The following IRF4 variants were observed in gnomAD, a reference collection of about 807,000 sequenced individuals.
IRF4 encodes lymphocyte-specific interferon regulatory factor.
IRF4 carries 13 observed loss-of-function variants against 55.5 expected under a neutral mutation model. That is an observed-to-expected ratio of 0.23 (90% CI 0.15 to 0.37). The LOEUF is 0.37. Among genes scored for constraint, IRF4 ranks in the 10% least tolerant of loss-of-function variants. The pLI is 1.00. For synonymous variants in IRF4, 249 were observed against 240.7 expected (o/e 1.03, Z -0.32); for missense variants, 397 against 593.8 (o/e 0.67, Z 3.44).
intron 7 of IRF4, among the ~76,000 whole-genome samples, chr6:402,325 T>G (rs571774811): frequency 5.3e-4 from 81 of 152,304 alleles, no homozygotes; most frequent in African/African-American, 1.9e-3. Context: ...TTTTCTACCT[T>G]GGATTTCATG....
intron 6 of IRF4, among the ~76,000 whole-genome samples, 160 bp from the exon 7 acceptor site, chr6:401,264 G>A (rs547490664): frequency 2.6e-5 from 4 of 152,196 alleles, no homozygotes; most frequent in African/African-American, 9.7e-5. Flanking sequence ...ACAAGGGCAC[G>A]CTGTGTTTCC....
At position 407,523 on chromosome 6, in the gene IRF4, C is replaced by T. The variant is rs1362434971; in HGVS notation, c.1281C>T (p.Gly427=). 8 of 1,612,724 alleles carry T rather than the reference C, an allele frequency of 5.0e-6. No homozygotes were observed. Among genetic ancestry groups the T allele is most frequent in the Non-Finnish European group, 6.8e-6 (8 of 1,179,206 alleles). ...AQQNSGHFLR[G]YDLPEHISNP... ...AAAACAGTGGACATTTCCTGAGGGG[C>T]TACGATTTACCAGAACACATCAGCA... Residue 427 remains glycine (G), a synonymous_variant, in exon 9 of 9, where the codon GGC becomes GGT. Transcript: ENST00000380956.
At position 393,210 on chromosome 6, in the gene IRF4, G is replaced by A. The variant is rs1761164334; in HGVS notation, c.58G>A (p.Gly20Ser). The change falls in exon 2 of 9, where the codon GGC (glycine) becomes AGC (serine). Residue 20 changes from glycine (G) to serine (S), a missense_variant. Gly to Ser is a moderately conservative substitution (Grantham distance 56). Around this residue, in one of 3 missense-constraint regions of IRF4, gnomAD observed 34 missense variants for 29.4 expected, o/e 1.16. Coordinates refer to ENST00000380956, the MANE Select transcript of IRF4 (RefSeq NM_002460.4). The surrounding 1 kb of genome is among the most constrained non-coding windows in gnomAD (Gnocchi z 5.4). ...GTTCGGCATGAGCGCGGTGAGCTGCGGCAACGGGAAGCTCCGCCAGTGGCT... is the reference window on the plus strand; with the variant it reads ...GTTCGGCATGAGCGCGGTGAGCTGCAGCAACGGGAAGCTCCGCCAGTGGCT... ...GEFGMSAVSC[G>S]NGKLRQWLID... 4 of 1,560,956 alleles carry A rather than the reference G, an allele frequency of 2.6e-6. No homozygotes were observed. The highest frequency in any genetic ancestry group is 2.4e-5 in the East Asian group (1 of 41,948).
Position 393,557 on chromosome 6 carries a change from G to GCGGGGGC in IRF4, c.216+194_216+200dup, listed in dbSNP as rs1324497974. On this transcript the variant is annotated intron_variant, in intron 2 of 8. Coordinates refer to ENST00000380956, the MANE Select transcript of IRF4 (RefSeq NM_002460.4). This position sits in a 1 kb window ranked among gnomAD's most constrained non-coding sequence, Gnocchi z 5.4. ...GGAGGCCTCGGCTCTCAGCGGGACCGCGGGGGCCGGGAGCCGGGTCCTGGG... is the reference window on the plus strand; with the variant it reads ...GGAGGCCTCGGCTCTCAGCGGGACCGCGGGGGCCGGGGGCCGGGAGCCGGGTCCTGGG... Among the ~76,000 whole-genome samples, 7 of 152,040 alleles carry GCGGGGGC rather than the reference G, an allele frequency of 4.6e-5. No homozygotes were observed. Among genetic ancestry groups the GCGGGGGC allele is most frequent in the African/African-American group, 1.7e-4 (7 of 41,416 alleles).
chr6:393,250 A>G lies in IRF4; in HGVS notation c.98A>G (p.Asp33Gly). Residue 33 changes from aspartate (D) to glycine (G), a missense_variant, in exon 2 of 9, where the codon GAC becomes GGC. This residue lies in a region of IRF4 where 341 missense variants were observed against 548.1 expected (regional missense o/e 0.62). Coordinates refer to ENST00000380956, the MANE Select transcript of IRF4 (RefSeq NM_002460.4). The surrounding 1 kb of genome is among the most constrained non-coding windows in gnomAD (Gnocchi z 5.4). Reference sequence around the variant, plus strand: ...CGCCAGTGGCTGATCGACCAGATCGACAGCGGCAAGTACCCCGGGCTGGTG... The same window carrying G: ...CGCCAGTGGCTGATCGACCAGATCGGCAGCGGCAAGTACCCCGGGCTGGTG... ...KLRQWLIDQI[D>G]SGKYPGLVWE... 1.3e-6 allele frequency: 2 copies of G among 1,588,284 alleles called. No individual in the cohort carries two copies. The highest frequency in any genetic ancestry group is 1.7e-6 in the Non-Finnish European group (2 of 1,167,338).
chr6:406,238 G>A (rs1220681780), intron 8 of IRF4, among the ~76,000 whole-genome samples: 1 of 152,218 alleles, frequency 6.6e-6, no homozygotes, highest in East Asian at 1.9e-4. Context: ...GCATTGATAA[G>A]CAGCATTTAA....
intron 7 of IRF4, among the ~76,000 whole-genome samples, chr6:402,652 C>T (rs1056811255): frequency 6.6e-6 from 1 of 152,234 alleles, no homozygotes; most frequent in Non-Finnish European, 1.5e-5. Flanking sequence ...TTGACATGTG[C>T]TCGTACTTCT....
At chr6:400,328 C>T (rs1581226904) in intron 6 of IRF4, among the ~76,000 whole-genome samples, 1 of 152,080 alleles carries the variant, frequency 6.6e-6, no homozygotes, top group African/African-American at 2.4e-5. Context: ...TGTGCCACTC[C>T]CCTGCGGTCT....
chr6:405,893 T>C (rs891132802), intron 8 of IRF4, among the ~76,000 whole-genome samples: 10 of 152,314 alleles, frequency 6.6e-5, no homozygotes, highest in East Asian at 3.9e-4. Flanking sequence ...AAACTTCACA[T>C]TGCTACATAC....
Position 410,325 on chromosome 6 carries a change from C to T in IRF4, c.*2727C>T, listed in dbSNP as rs1168193811. Reference sequence around the variant, plus strand: ...GCAGTAATTAATATCTCCTGGAACACTATAGAGAACCAAGTGACCGACTCA... The same window carrying T: ...GCAGTAATTAATATCTCCTGGAACATTATAGAGAACCAAGTGACCGACTCA... On this transcript the variant is annotated 3_prime_UTR_variant, in exon 9 of 9. Coordinates refer to ENST00000380956, the MANE Select transcript of IRF4 (RefSeq NM_002460.4). 4.4e-6 allele frequency: 1 copy of T among 227,290 alleles called. No homozygotes were observed. 14.1% of individuals were successfully genotyped at this position (227,290 alleles called of 1,614,324 possible).
chr6:393,074 G>A lies in IRF4; in HGVS notation c.-55-24G>A. ...GCCCGGAGTGCGGTGCCTCGTGGCTGAAGGGCAGCTCTTCTCCCCGCAGTG... is the reference window on the plus strand; with the variant it reads ...GCCCGGAGTGCGGTGCCTCGTGGCTAAAGGGCAGCTCTTCTCCCCGCAGTG... On this transcript the variant is annotated intron_variant, in intron 1 of 8. Transcript: ENST00000380956. The surrounding 1 kb of genome is among the most constrained non-coding windows in gnomAD (Gnocchi z 5.4). The A allele has an allele frequency of 7.4e-7, 1 of 1,342,392 alleles. No individual in the cohort carries two copies. The allele number at this position is 1,342,392 out of a possible 1,614,324, so 83.2% of individuals were successfully genotyped here.
rs1297820928 is a variant in IRF4 at position 411,348 on chromosome 6, C to T, written c.*3750C>T. ...ATAATGCTATGCTGTCGTTGGTATA[C>T]ATCATGAATTTTTATGTAAATTGCT... On this transcript the variant is annotated 3_prime_UTR_variant, in exon 9 of 9. Coordinates refer to ENST00000380956, the MANE Select transcript of IRF4 (RefSeq NM_002460.4). 4.6e-6 allele frequency: 1 copy of T among 215,814 alleles called. No homozygotes were observed. Among genetic ancestry groups the T allele is most frequent in the Non-Finnish European group, 9.3e-6 (1 of 107,020 alleles). 13.4% of individuals were successfully genotyped at this position (215,814 alleles called of 1,614,324 possible).
At chr6:402,339 A>G (rs893035809) in intron 7 of IRF4, among the ~76,000 whole-genome samples, 3 of 152,138 alleles carry the variant, frequency 2.0e-5, no homozygotes, top group Admixed American at 6.5e-5. Context: ...TTTCATGACA[A>G]TTCAGCGAAC....
Position 393,501 on chromosome 6 carries a change from G to T in IRF4, c.216+133G>T. On this transcript the variant is annotated intron_variant, in intron 2 of 8. Transcript: ENST00000380956. This position sits in a 1 kb window ranked among gnomAD's most constrained non-coding sequence, Gnocchi z 5.4. The stretch of plus-strand genomic sequence containing the variant: ...GACGGGCGGGCGGCGGAGGCATCAG[G>T]TGGCGTCGCCGGAGCCGCAGGAGGA... 2 of 586,444 alleles carry T rather than the reference G, an allele frequency of 3.4e-6. No individual in the cohort carries two copies. The highest frequency in any genetic ancestry group is 5.1e-6 in the Non-Finnish European group (2 of 395,238). 36.3% of individuals were successfully genotyped at this position (586,444 alleles called of 1,614,324 possible). A position where few individuals can be genotyped will look rare whatever the true frequency, so the allele number is the denominator to read the frequency against.
rs1251373532 is a variant in IRF4, at chr6:393,133, G to GCGCGGA, written c.-17_-12dup. On this transcript the variant is annotated 5_prime_UTR_variant, in exon 2 of 9. Transcript: ENST00000380956. This position sits in a 1 kb window ranked among gnomAD's most constrained non-coding sequence, Gnocchi z 5.4. ...AGCGGGCGGAGGACCCCGGGCGCGGGCGCGGACGGCACGCGGGGCATGAAC... is the reference window on the plus strand; with the variant it reads ...AGCGGGCGGAGGACCCCGGGCGCGGGCGCGGACGCGGACGGCACGCGGGGCATGAAC... 12 of 1,545,566 alleles carry GCGCGGA rather than the reference G, an allele frequency of 7.8e-6. No individual in the cohort carries two copies. Among genetic ancestry groups the GCGCGGA allele is most frequent in the South Asian group, 1.2e-5 (1 of 83,626 alleles).
intron 8 of IRF4, among the ~76,000 whole-genome samples, chr6:405,802 G>T (rs999999636): frequency 8.5e-5 from 13 of 152,164 alleles, no homozygotes; most frequent in African/African-American, 3.1e-4. Flanking sequence ...TTTTTTATGA[G>T]AAAAGGTTTC....
intron 5 of IRF4, among the ~76,000 whole-genome samples, chr6:398,169 T>G (rs1761315235): frequency 6.6e-6 from 1 of 152,234 alleles, no homozygotes; most frequent in Non-Finnish European, 1.5e-5. Context: ...AACTAGCTCC[T>G]GAAATTCAGA....
chr6:405,416 A>T (rs773009994), intron 8 of IRF4, among the ~76,000 whole-genome samples: 9 of 152,170 alleles, frequency 5.9e-5, no homozygotes, highest in Non-Finnish European at 1.0e-4. Context: ...AAGTTGTCGT[A>T]TTTCCATTTT....
At position 411,188 on chromosome 6, in the gene IRF4, C is replaced by T. The variant is rs944130794; in HGVS notation, c.*3590C>T. 2 of 231,214 alleles carry T rather than the reference C, an allele frequency of 8.7e-6. No homozygotes were observed. Among genetic ancestry groups the T allele is most frequent in the Admixed American group, 5.6e-5 (1 of 17,722 alleles). 14.3% of individuals were successfully genotyped at this position (231,214 alleles called of 1,614,324 possible). On this transcript the variant is annotated 3_prime_UTR_variant, in exon 9 of 9. Coordinates refer to ENST00000380956, the MANE Select transcript of IRF4 (RefSeq NM_002460.4). ...CCACTTCCCCCTCTTCAGCATCCCCCGTACCCCACTTTCTGCTGAAAGAAC... is the reference window on the plus strand; with the variant it reads ...CCACTTCCCCCTCTTCAGCATCCCCTGTACCCCACTTTCTGCTGAAAGAAC...
Sources: gnomAD v4.1 joint callset for allele counts (sites outside exome capture counted in the v4.1 genomes callset) on GRCh38, gnomAD v4.1.1 for gene constraint, gnomAD v4.1.1 regional missense constraint, Gnocchi (gnomAD v3.1) non-coding constraint, MANE v1.5 for transcripts, NCBI Gene and HGNC (gene_info 2026-07-23, HGNC 2026-07-21) for gene names.